The following ARID2 variants were observed in gnomAD, a reference collection of about 807,000 sequenced individuals.
The protein encoded by ARID2 is AT-rich interactive domain-containing protein 2.
Under a neutral mutation model 184.6 loss-of-function variants are expected in ARID2, and 32 were observed. The observed-to-expected ratio is 0.17, with a 90% CI of 0.13 to 0.23. The LOEUF is 0.23. ARID2 is among the 10% of genes least tolerant of loss of function. The pLI is 1.00. For synonymous variants in ARID2, 836 were observed against 772.6 expected (o/e 1.08, Z -1.36); for missense variants, 1,696 against 2,197.6 (o/e 0.77, Z 4.56).
In ARID2 at chr12:45,729,869, C is replaced by T. The variant is rs1266927346; in HGVS notation, c.33C>T (p.Asp11=). 1.9e-6 allele frequency: 3 copies of T among 1,611,496 alleles called. No homozygotes were observed. The highest frequency in any genetic ancestry group is 1.7e-5 in the Admixed American group (1 of 59,874). The change falls in exon 1 of 21, where the codon GAC becomes GAT. Residue 11 remains aspartate, a synonymous_variant. Coordinates refer to ENST00000334344, the MANE Select transcript of ARID2 (RefSeq NM_152641.4). The stretch of plus-strand genomic sequence containing the variant: ...ACTCGACGGGGAAGGCGCCTCCGGA[C>T]GAGCGGAGAAAGGGACTCGCTTTCC... MANSTGKAPP[D]ERRKGLAFLD...
chr12:45,779,269 G>A (rs1942044242), intron 3 of ARID2, among the ~76,000 whole-genome samples: 1 of 152,124 alleles, frequency 6.6e-6, no homozygotes, highest in Admixed American at 6.5e-5. Flanking sequence ...ATATTGCCAA[G>A]TAGCCATCCA....
intron 16 of ARID2, among the ~76,000 whole-genome samples, chr12:45,863,000 G>A (rs1249347191): frequency 3.3e-5 from 5 of 151,946 alleles, no homozygotes; most frequent in Non-Finnish European, 4.4e-5. Flanking sequence ...CCAGAAGATA[G>A]AAATACAAAA....
At chr12:45,878,913 A>C (rs180805523) in intron 16 of ARID2, among the ~76,000 whole-genome samples, 2 of 152,258 alleles carry the variant, frequency 1.3e-5, no homozygotes, top group East Asian at 3.9e-4. Context: ...GGCTATGTTT[A>C]ATGTTTGCTG....
intron 3 of ARID2, among the ~76,000 whole-genome samples, chr12:45,797,719 AAATT>A (rs1212529689): frequency 2.0e-5 from 3 of 152,006 alleles, no homozygotes; most frequent in Admixed American, 6.6e-5. Context: ...GAGGTAAAAA[AAATT>A]AATTTTTTTT....
intron 3 of ARID2, among the ~76,000 whole-genome samples, chr12:45,762,063 A>G (rs1941693349): frequency 6.6e-6 from 1 of 151,870 alleles, no homozygotes; most frequent in Admixed American, 6.6e-5. Flanking sequence ...CCTGCTTTGT[A>G]TTTCTGATAT....
At chr12:45,739,774 T>G (rs148327779) in intron 3 of ARID2, among the ~76,000 whole-genome samples, 1 of 152,308 alleles carries the variant, frequency 6.6e-6, no homozygotes, top group African/African-American at 2.4e-5. Context: ...TTTAAATAAA[T>G]AAAATGTTAA....
intron 3 of ARID2, among the ~76,000 whole-genome samples, chr12:45,767,772 G>GA (rs1416876866): frequency 1.3e-5 from 2 of 152,216 alleles, no homozygotes; most frequent in South Asian, 4.1e-4. Context: ...AAGGTATGAG[G>GA]AAAAAAATCT....
chr12:45,741,773 G>A (rs142044050), intron 3 of ARID2, among the ~76,000 whole-genome samples: 10 of 152,160 alleles, frequency 6.6e-5, no homozygotes, highest in East Asian at 3.9e-4. Flanking sequence ...GAAAATCCTC[G>A]TTCCATTTAA....
chr12:45,819,110 G>A (rs1942854022), intron 5 of ARID2, among the ~76,000 whole-genome samples: 2 of 152,078 alleles, frequency 1.3e-5, no homozygotes, highest in African/African-American at 4.8e-5. Flanking sequence ...TTAAAATGAA[G>A]CCTTTGAAAA....
chr12:45,839,487 T>A lies in ARID2; in HGVS notation c.1489T>A (p.Ser497Thr), dbSNP rs910616933. 6.2e-7 allele frequency: 1 copy of A among 1,611,632 alleles called. No homozygotes were observed. Among genetic ancestry groups the A allele is most frequent in the Non-Finnish European group, 8.5e-7 (1 of 1,179,202 alleles). ...EQVQTQTHVA[S>T]APASRAVVAQ... ...AGTCCAAACCCAGACTCATGTAGCATCTGCCCCAGGTTAGTGTTTTCACAT... is the reference window on the plus strand; with the variant it reads ...AGTCCAAACCCAGACTCATGTAGCAACTGCCCCAGGTTAGTGTTTTCACAT... The change falls in exon 11 of 21, where the codon TCT becomes ACT. Residue 497 changes from serine to threonine, a missense_variant. Around this residue, in one of 11 missense-constraint regions of ARID2, gnomAD observed 713 missense variants for 824.4 expected, o/e 0.86. Coordinates refer to ENST00000334344, the MANE Select transcript of ARID2 (RefSeq NM_152641.4).
intron 20 of ARID2, among the ~76,000 whole-genome samples, chr12:45,896,165 G>A (rs11183229): frequency 0.29 from 44,405 of 152,068 alleles, 6,664 homozygotes; most frequent in East Asian, 0.32. Context: ...GGGCAGCTCT[G>A]CTGCGGAGAT....
chr12:45,760,114 AT>A (rs968532549), intron 3 of ARID2, among the ~76,000 whole-genome samples: 28 of 152,280 alleles, frequency 1.8e-4, no homozygotes, highest in African/African-American at 5.3e-4. Context: ...TATAATCAGA[AT>A]TTTTTCTTTA....
intron 3 of ARID2, among the ~76,000 whole-genome samples, chr12:45,799,712 C>T (rs145266512): frequency 3.3e-5 from 5 of 151,988 alleles, no homozygotes; most frequent in African/African-American, 1.2e-4. Context: ...TGTGTAAGTA[C>T]CAAGGTAATC....
At chr12:45,807,229 TAA>T (rs1311147778) in intron 3 of ARID2, among the ~76,000 whole-genome samples, 1 of 152,226 alleles carries the variant, frequency 6.6e-6, no homozygotes, top group Non-Finnish European at 1.5e-5. Flanking sequence ...TAATTGGATT[TAA>T]AGGGAGAAGT....
At chr12:45,747,832 T>C (rs906420847) in intron 3 of ARID2, among the ~76,000 whole-genome samples, 8 of 152,210 alleles carry the variant, frequency 5.3e-5, no homozygotes, top group African/African-American at 1.7e-4. Context: ...TAGACACTAA[T>C]GTCTCCCTAT....
chr12:45,894,094 ATG>A (rs1944338021), intron 20 of ARID2, among the ~76,000 whole-genome samples: 2 of 152,238 alleles, frequency 1.3e-5, no homozygotes, highest in Non-Finnish European at 2.9e-5. Flanking sequence ...TGGCATTTTC[ATG>A]TACCCATCAA....
intron 16 of ARID2, among the ~76,000 whole-genome samples, chr12:45,862,285 T>C (rs1294371267): frequency 6.6e-6 from 1 of 152,342 alleles, no homozygotes; most frequent in Non-Finnish European, 1.5e-5. Context: ...TATTTGATCA[T>C]AGTATAAAAT....
In ARID2 at chr12:45,836,998, A is replaced by G; in HGVS notation, c.1023+7A>G. On this transcript the variant is annotated splice_region_variant and intron_variant, in intron 8 of 20. Coordinates refer to ENST00000334344, the MANE Select transcript of ARID2 (RefSeq NM_152641.4). ...AGGAAATATTGCAGCTGAGGTAAGC[A>G]TGTGACTGTACCTTAAACTAGTTTT... The G allele has an allele frequency of 1.9e-6, 3 of 1,612,016 alleles. No homozygotes were observed. Among genetic ancestry groups the G allele is most frequent in the Non-Finnish European group, 2.5e-6 (3 of 1,179,554 alleles).
chr12:45,800,478 G>A (rs1396160279), intron 3 of ARID2, among the ~76,000 whole-genome samples: 1 of 151,480 alleles, frequency 6.6e-6, no homozygotes, highest in Non-Finnish European at 1.5e-5. Flanking sequence ...TATTAGAGAT[G>A]TTGCTATGAT....
Sources: gnomAD v4.1 joint callset for allele counts (sites outside exome capture counted in the v4.1 genomes callset) on GRCh38, gnomAD v4.1.1 for gene constraint, gnomAD v4.1.1 regional missense constraint, MANE v1.5 for transcripts, NCBI Gene and HGNC (gene_info 2026-07-23, HGNC 2026-07-21) for gene names.